TENM3: variants seen among roughly 807,000 people sequenced by gnomAD.
TENM3 encodes teneurin-3.
TENM3 carries 63 observed loss-of-function variants against 255.1 expected under a neutral mutation model. That is an observed-to-expected ratio of 0.25 (90% CI 0.20 to 0.30). TENM3 has a LOEUF of 0.30. Among genes scored for constraint, TENM3 ranks in the 10% least tolerant of loss-of-function variants. The probability of loss-of-function intolerance (pLI) is 1.00; values close to 1 mark genes in which losing one functional copy is unlikely to be tolerated. For synonymous variants in TENM3, 1,306 were observed against 1,322.3 expected (o/e 0.99, Z 0.27); for missense variants, 2,929 against 3,461.1 (o/e 0.85, Z 3.86).
the TENM3 span, among the ~76,000 whole-genome samples, chr4:181,781,831 G>C: frequency 2.6e-5 from 4 of 152,132 alleles, no homozygotes; most frequent in African/African-American, 7.2e-5. Context: ...AGCATGAAGG[G>C]CTGTTGAATT....
chr4:181,805,045 G>C, the TENM3 span, among the ~76,000 whole-genome samples: 1 of 152,020 alleles, frequency 6.6e-6, no homozygotes, highest in Non-Finnish European at 1.5e-5. Flanking sequence ...CCCTGCTGCC[G>C]TCATACAGCC....
At chr4:181,783,929 G>A in the TENM3 span, among the ~76,000 whole-genome samples, 1 of 152,080 alleles carries the variant, frequency 6.6e-6, no homozygotes, top group Admixed American at 6.6e-5. Context: ...TTGAACTCCT[G>A]GCTTCAAGCA....
At chr4:181,793,708 T>C in the TENM3 span, among the ~76,000 whole-genome samples, 2 of 152,186 alleles carry the variant, frequency 1.3e-5, no homozygotes, top group Non-Finnish European at 2.9e-5. Flanking sequence ...TCAGGAGTCT[T>C]GAAAGCTATT....
the TENM3 span, among the ~76,000 whole-genome samples, chr4:181,895,130 A>T: frequency 1.3e-5 from 2 of 152,166 alleles, no homozygotes; most frequent in South Asian, 4.1e-4. Flanking sequence ...GCAGGAAGTT[A>T]GGTTTAACAC....
At chr4:181,929,572 C>T in the TENM3 span, among the ~76,000 whole-genome samples, 3 of 152,300 alleles carry the variant, frequency 2.0e-5, no homozygotes, top group East Asian at 5.8e-4. Flanking sequence ...GACTCCCACA[C>T]AATAATGGTG....
chr4:182,344,046 T>C (rs980623030), intron 2 of TENM3, among the ~76,000 whole-genome samples: 2 of 152,110 alleles, frequency 1.3e-5, no homozygotes, highest in Admixed American at 1.3e-4. Context: ...CACTTCTCTG[T>C]GATTATTAAT....
Position 182,672,986 on chromosome 4 carries a change from G to A in TENM3, c.1112-19G>A. ...TTTAAAAAAAATTTGTTCTTCATCA[G>A]TGCATCTCTTACATTCAGGAAAATT... On this transcript the variant is annotated intron_variant, in intron 6 of 27. Transcript: ENST00000511685. 2 of 1,524,616 alleles carry A rather than the reference G, an allele frequency of 1.3e-6. No homozygotes were observed. Among genetic ancestry groups the A allele is most frequent in the Non-Finnish European group, 8.9e-7 (1 of 1,120,350 alleles). 94.4% of individuals were successfully genotyped at this position (1,524,616 alleles called of 1,614,324 possible).
the TENM3 span, among the ~76,000 whole-genome samples, chr4:181,731,173 T>A: frequency 1.1e-3 from 163 of 152,258 alleles, 1 homozygote; most frequent in Admixed American, 5.4e-3. Flanking sequence ...TACATTTTTT[T>A]AAAAAAGAGG....
intron 1 of TENM3, among the ~76,000 whole-genome samples, chr4:182,210,901 A>G (rs1200996598): frequency 2.6e-5 from 4 of 152,126 alleles, no homozygotes; most frequent in Non-Finnish European, 5.9e-5. Context: ...AAGGAAGGTC[A>G]CTTGTTTAGC....
At chr4:182,045,049 G>C in the TENM3 span, among the ~76,000 whole-genome samples, 1 of 152,224 alleles carries the variant, frequency 6.6e-6, no homozygotes, top group African/African-American at 2.4e-5. Flanking sequence ...CTGCAGATTT[G>C]ACTTTTCATC....
At chr4:182,464,819 A>G (rs2151417584) in intron 3 of TENM3, among the ~76,000 whole-genome samples, 1 of 152,294 alleles carries the variant, frequency 6.6e-6, no homozygotes, top group East Asian at 1.9e-4. Flanking sequence ...ATAACCTATT[A>G]CCTTATAAAC....
chr4:182,216,552 A>G (rs1391931457), intron 1 of TENM3, among the ~76,000 whole-genome samples: 1 of 152,214 alleles, frequency 6.6e-6, no homozygotes, highest in African/African-American at 2.4e-5. Flanking sequence ...CTTCATCACC[A>G]AGCCTACCTG....
intron 3 of TENM3, among the ~76,000 whole-genome samples, chr4:182,509,928 ACT>A (rs1371070099): frequency 8.0e-6 from 1 of 125,096 alleles, no homozygotes; most frequent in Non-Finnish European, 1.7e-5. Context: ...CAAGAGCAAA[ACT>A]CTGTCTCAAA....
At chr4:182,020,045 G>A in the TENM3 span, among the ~76,000 whole-genome samples, 803 of 152,060 alleles carry the variant, frequency 5.3e-3, 11 homozygotes, top group African/African-American at 0.018. Flanking sequence ...TTTGGGAATA[G>A]CTTTAACGTA....
At chr4:182,219,111 A>C (rs554738312) in intron 1 of TENM3, among the ~76,000 whole-genome samples, 1 of 152,096 alleles carries the variant, frequency 6.6e-6, no homozygotes, top group East Asian at 1.9e-4. Flanking sequence ...AGTCTCAGCT[A>C]CTCGGGAGGC....
chr4:182,159,454 G>T (rs12331488), intron 1 of TENM3, among the ~76,000 whole-genome samples: 111 of 7,160 alleles, frequency 0.016, 1 homozygote, highest in Admixed American at 0.027. Flanking sequence ...ATGAGTGTGT[G>T]TGTGTGTGTG....
At chr4:182,370,798 A>G (rs888441928) in intron 3 of TENM3, among the ~76,000 whole-genome samples, 1 of 152,156 alleles carries the variant, frequency 6.6e-6, no homozygotes, top group African/African-American at 2.4e-5. Context: ...TCTCTGCAAA[A>G]CAATTCTGCT....
chr4:181,677,084 G>A, the TENM3 span, among the ~76,000 whole-genome samples: 25 of 151,142 alleles, frequency 1.7e-4, no homozygotes, highest in East Asian at 4.5e-3. Flanking sequence ...TAAATATTGG[G>A]AGTGCCTCAA....
At chr4:182,595,140 C>T (rs1747076444) in intron 3 of TENM3, among the ~76,000 whole-genome samples, 2 of 152,062 alleles carry the variant, frequency 1.3e-5, no homozygotes, top group African/African-American at 4.8e-5. Context: ...AAATATCCCA[C>T]GGAAAGTAAA....
Sources: allele counts gnomAD v4.1 joint callset (sites outside exome capture counted in the v4.1 genomes callset), GRCh38; gene constraint gnomAD v4.1.1; transcripts MANE v1.5; gene names NCBI Gene and HGNC (gene_info 2026-07-23, HGNC 2026-07-21).